AKAP7: variants seen among roughly 807,000 people sequenced by gnomAD.
The protein encoded by AKAP7 is A-kinase anchoring protein 7.
Under a neutral mutation model 39.5 loss-of-function variants are expected in AKAP7, and 39 were observed. That is an observed-to-expected ratio of 0.99 (90% CI 0.76 to 1.29). The LOEUF (loss-of-function observed/expected upper bound fraction) is 1.29. Among genes scored for constraint, AKAP7 ranks in the 50% most tolerant of loss-of-function variants. AKAP7 has a pLI of 0.00. For synonymous variants in AKAP7, 140 were observed against 139.1 expected (o/e 1.01, Z -0.05); for missense variants, 414 against 407.7 (o/e 1.02, Z -0.13).
chr6:131,238,411 G>A (rs1483617583), intron 7 of AKAP7, among the ~76,000 whole-genome samples: 1 of 152,216 alleles, frequency 6.6e-6, no homozygotes. Flanking sequence ...TTCTGTAGAT[G>A]TCTATTAGGT....
At chr6:131,274,968 C>A (rs1456528911) in intron 7 of AKAP7, among the ~76,000 whole-genome samples, 1 of 152,138 alleles carries the variant, frequency 6.6e-6, no homozygotes, top group African/African-American at 2.4e-5. Context: ...CTCCACTAGA[C>A]CTTGAGTGTA....
At chr6:131,186,000 T>G (rs1805815817) in intron 5 of AKAP7, among the ~76,000 whole-genome samples, 1 of 152,218 alleles carries the variant, frequency 6.6e-6, no homozygotes, top group Non-Finnish European at 1.5e-5. Context: ...GTATATGGTG[T>G]AAGGTGTAAG....
At chr6:131,199,302 A>AT (rs753974627) in intron 5 of AKAP7, among the ~76,000 whole-genome samples, 159 bp from the exon 6 acceptor site, 11 of 152,168 alleles carry the variant, frequency 7.2e-5, no homozygotes, top group Non-Finnish European at 1.5e-4. Context: ...CACATTGTAG[A>AT]TTTTTTCTCT....
At chr6:131,224,251 A>G (rs183515104) in intron 7 of AKAP7, among the ~76,000 whole-genome samples, 236 of 152,316 alleles carry the variant, frequency 1.5e-3, no homozygotes, top group Admixed American at 4.1e-3. Flanking sequence ...TATCAATCTT[A>G]CCTATATTTT....
chr6:131,180,975 G>A (rs1337724807), intron 5 of AKAP7, among the ~76,000 whole-genome samples: 3 of 150,702 alleles, frequency 2.0e-5, no homozygotes, highest in Non-Finnish European at 4.4e-5. Flanking sequence ...TTTTTGAAAT[G>A]GAGTCTCACT....
At chr6:131,241,893 A>T in intron 7 of AKAP7, 1 of 264,118 alleles carries the variant, frequency 3.8e-6, no homozygotes, top group Non-Finnish European at 5.9e-6. Context: ...TCAGTAGCCT[A>T]AAAATGTCTC....
At chr6:131,198,858 A>T (rs1807228085) in intron 5 of AKAP7, among the ~76,000 whole-genome samples, 1 of 152,198 alleles carries the variant, frequency 6.6e-6, no homozygotes, top group Non-Finnish European at 1.5e-5. Flanking sequence ...ATTCTAGGGG[A>T]ACCCTTTGAA....
In AKAP7 at chr6:131,231,691, G is replaced by C. The variant is rs1474343159; in HGVS notation, c.850+11883G>C. 2.6e-5 allele frequency among the ~76,000 whole-genome samples: 4 copies of C among 152,178 alleles called. No homozygotes were observed. In the East Asian group the frequency reaches 7.7e-4, roughly 29 times the overall value. Reference sequence around the variant, plus strand: ...GTAAAAGGGGATCTATTACTTACTAGGCTGGGATAAAAGAAGAAAACCAAG... The same window carrying C: ...GTAAAAGGGGATCTATTACTTACTACGCTGGGATAAAAGAAGAAAACCAAG... On this transcript the variant is annotated intron_variant, in intron 7 of 7. Coordinates refer to ENST00000431975, the MANE Select transcript of AKAP7 (RefSeq NM_016377.4).
intron 2 of AKAP7, 141 bp downstream of exon 2, chr6:131,145,557 C>G (rs1801416318): frequency 1.8e-6 from 1 of 547,684 alleles, no homozygotes; most frequent in Non-Finnish European, 2.6e-6. Context: ...TTCATTTATT[C>G]TAGTTTTTTG....
At chr6:131,231,970 C>T (rs567768566) in intron 7 of AKAP7, among the ~76,000 whole-genome samples, 2 of 152,312 alleles carry the variant, frequency 1.3e-5, no homozygotes, top group East Asian at 3.9e-4. Flanking sequence ...TTCTTTACAT[C>T]TGCCAAAGTT....
intron 7 of AKAP7, among the ~76,000 whole-genome samples, chr6:131,261,190 A>G (rs1813293572): frequency 6.6e-6 from 1 of 151,006 alleles, no homozygotes; most frequent in Non-Finnish European, 1.5e-5. Context: ...CCTGGGCAAC[A>G]AGAGCAAAAC....
chr6:131,175,511 G>T (rs149827645), intron 5 of AKAP7, among the ~76,000 whole-genome samples: 125 of 152,278 alleles, frequency 8.2e-4, no homozygotes, highest in African/African-American at 2.8e-3. Flanking sequence ...ATATTGGCAG[G>T]ATAAAGAGTC....
chr6:131,250,135 T>C, intron 7 of AKAP7: 1 of 980,192 alleles, frequency 1.0e-6, no homozygotes, highest in East Asian at 1.1e-4. Flanking sequence ...TATGGTTTTT[T>C]TGGGGGTTTG....
intron 6 of AKAP7, among the ~76,000 whole-genome samples, 189 bp from the exon 7 acceptor site, chr6:131,219,469 ACTC>A (rs896732821): frequency 2.6e-5 from 4 of 151,988 alleles, no homozygotes; most frequent in African/African-American, 9.7e-5. Context: ...TTTTAATACA[ACTC>A]CTTCTAGGTA....
rs899099338 is a variant in AKAP7, at chr6:131,237,968, C to T, written c.850+18160C>T. 1.5e-3 allele frequency among the ~76,000 whole-genome samples: 230 copies of T among 151,958 alleles called. 2 individuals are homozygous for T. Among genetic ancestry groups the T allele is most frequent in the African/African-American group, 5.1e-3 (213 of 41,490 alleles). ...GCTAGCTTTTGAATGTGTTTGCTCTCGATTCTCTAGTTCTTTTAATTGTGA... is the reference window on the plus strand; with the variant it reads ...GCTAGCTTTTGAATGTGTTTGCTCTTGATTCTCTAGTTCTTTTAATTGTGA... On this transcript the variant is annotated intron_variant, in intron 7 of 7. Transcript: ENST00000431975.
chr6:131,268,121 T>G (rs957865940), intron 7 of AKAP7, among the ~76,000 whole-genome samples: 48 of 152,206 alleles, frequency 3.2e-4, no homozygotes, highest in African/African-American at 8.4e-4. Context: ...ATTGGACATT[T>G]CAAGCTGAGA....
intron 5 of AKAP7, among the ~76,000 whole-genome samples, chr6:131,174,307 A>G (rs1804361185): frequency 6.6e-6 from 1 of 152,262 alleles, no homozygotes; most frequent in African/African-American, 2.4e-5. Context: ...TTTATTAATT[A>G]TTGGGGACTT....
chr6:131,216,764 G>A (rs1809219873), intron 6 of AKAP7, among the ~76,000 whole-genome samples: 1 of 152,052 alleles, frequency 6.6e-6, no homozygotes, highest in Non-Finnish European at 1.5e-5. Flanking sequence ...TAATTGAAAT[G>A]TCACTTATAC....
chr6:131,175,908 CAT>C, intron 5 of AKAP7, among the ~76,000 whole-genome samples: 1 of 152,228 alleles, frequency 6.6e-6, no homozygotes, highest in Middle Eastern at 3.4e-3. Context: ...CTTCATCAAA[CAT>C]AGCATAAAAA....
Sources: allele counts gnomAD v4.1 joint callset (sites outside exome capture counted in the v4.1 genomes callset), GRCh38; gene constraint gnomAD v4.1.1; transcripts MANE v1.5; gene names NCBI Gene and HGNC (gene_info 2026-07-23, HGNC 2026-07-21).